TRPC5: variants seen among roughly 807,000 people sequenced by gnomAD.
TRPC5 encodes the protein short transient receptor potential channel 5.
A neutral mutation model predicts 56.5 loss-of-function variants in TRPC5; 9 were observed. That is an observed-to-expected ratio of 0.16 (90% confidence interval 0.10 to 0.28). The LOEUF (loss-of-function observed/expected upper bound fraction) is 0.28, where lower values mean the gene tolerates loss of function less well. Among genes scored for constraint, TRPC5 ranks in the 10% least tolerant of loss-of-function variants. The probability of loss-of-function intolerance (pLI) is 1.00; values close to 1 mark genes in which losing one functional copy is unlikely to be tolerated. For missense variants in TRPC5, 469 were observed against 748.9 expected (o/e 0.63, Z 4.36); for synonymous variants, 282 against 278.5 (o/e 1.01, Z -0.13).
intron 7 of TRPC5, among the ~76,000 whole-genome samples, chrX:111,824,229 CA>C (rs1173966332): frequency 0.18 from 9,927 of 54,431 alleles, 604 homozygotes; most frequent in African/African-American, 0.22. Flanking sequence ...GACCCTGTCT[CA>C]AAAAAAAAAA....
intron 1 of TRPC5, among the ~76,000 whole-genome samples, chrX:112,004,921 C>T (rs1435319239): frequency 9.0e-6 from 1 of 111,173 alleles, no homozygotes; most frequent in Non-Finnish European, 1.9e-5. Flanking sequence ...GGGAGAACAA[C>T]ATGGACACCA....
chrX:111,974,253 T>C (rs1266411419), intron 1 of TRPC5, among the ~76,000 whole-genome samples: 1 of 111,717 alleles, frequency 9.0e-6, no homozygotes, highest in Non-Finnish European at 1.9e-5. Context: ...AGTTTCCAGG[T>C]CATGGTTCAG....
At chrX:111,876,004 A>G (rs1001052966) in intron 3 of TRPC5, 2 of 109,746 alleles carry the variant, frequency 1.8e-5, no homozygotes, top group Non-Finnish European at 3.8e-5. Context: ...ATGAAACACA[A>G]CAATGTTTCA....
chrX:112,029,329 C>CT (rs1228609246), intron 1 of TRPC5, among the ~76,000 whole-genome samples: 1 of 112,189 alleles, frequency 8.9e-6, no homozygotes, highest in African/African-American at 3.2e-5. Context: ...GGATCTCATT[C>CT]TTTTTTTCTG....
Position 111,945,153 on chromosome X carries a change from A to G in TRPC5, c.378+6890T>C, listed in dbSNP as rs754316852. 1.2e-4 allele frequency among the ~76,000 whole-genome samples: 13 copies of G among 109,726 alleles called. No homozygotes were observed. The South Asian group carries it at 4.8e-3, about 40-fold the overall frequency. ...AACAATTGATTTAGAGCTGGTTTTGAGCATACACAGACGCGAGTCTCCTCT... is the reference window on the plus strand; with the variant it reads ...AACAATTGATTTAGAGCTGGTTTTGGGCATACACAGACGCGAGTCTCCTCT... On this transcript the variant is annotated intron_variant, in intron 2 of 10. Transcript: ENST00000262839.
intron 1 of TRPC5, among the ~76,000 whole-genome samples, chrX:111,974,067 A>G (rs1033694174): frequency 8.9e-6 from 1 of 112,327 alleles, no homozygotes; most frequent in Non-Finnish European, 1.9e-5. Flanking sequence ...TGGCTAAAAT[A>G]GAGTAACAGG....
intron 3 of TRPC5, among the ~76,000 whole-genome samples, chrX:111,898,019 G>A (rs1925151865): frequency 9.1e-6 from 1 of 109,980 alleles, no homozygotes; most frequent in South Asian, 3.8e-4. Context: ...TGAGAATTCT[G>A]GTTCCTCTAC....
chrX:112,081,170 T>C (rs1400514674), intron 1 of TRPC5, among the ~76,000 whole-genome samples: 1 of 111,957 alleles, frequency 8.9e-6, no homozygotes, highest in Non-Finnish European at 1.9e-5. Context: ...TAAGAGACCA[T>C]GGAGAAAGAT....
chrX:111,896,721 G>A (rs1925082851), intron 3 of TRPC5, among the ~76,000 whole-genome samples: 1 of 111,710 alleles, frequency 9.0e-6, no homozygotes, highest in Non-Finnish European at 1.9e-5. Context: ...CTCTGGCCCT[G>A]AATAAGGCAA....
intron 3 of TRPC5, among the ~76,000 whole-genome samples, chrX:111,865,960 A>G (rs1021768299): frequency 8.8e-6 from 1 of 113,013 alleles, no homozygotes; most frequent in African/African-American, 3.2e-5. Context: ...GATTTTTTAT[A>G]TGCATCATCT....
chrX:111,927,277 C>T (rs1926285283), intron 2 of TRPC5, among the ~76,000 whole-genome samples: 1 of 112,136 alleles, frequency 8.9e-6, no homozygotes, highest in Non-Finnish European at 1.9e-5. Flanking sequence ...CCCTTGGGGA[C>T]AATGCCAAAA....
chrX:112,081,186 T>A (rs1178946961), intron 1 of TRPC5, among the ~76,000 whole-genome samples: 1 of 111,892 alleles, frequency 8.9e-6, no homozygotes, highest in Non-Finnish European at 1.9e-5. Context: ...AAGATCAGCA[T>A]CTGTGAATTC....
intron 1 of TRPC5, among the ~76,000 whole-genome samples, chrX:111,996,431 G>A (rs185817397): frequency 2.7e-5 from 3 of 111,724 alleles, no homozygotes; most frequent in Non-Finnish European, 5.6e-5. Flanking sequence ...GAATAAGTGC[G>A]ATGTGGTGCT....
chrX:111,908,807 T>C (rs1925710877), intron 3 of TRPC5, among the ~76,000 whole-genome samples: 1 of 111,906 alleles, frequency 8.9e-6, no homozygotes, highest in Admixed American at 9.5e-5. Context: ...TATTGAATAG[T>C]TAAGAGGTGC....
At chrX:111,946,353 T>A (rs1926933376) in intron 2 of TRPC5, among the ~76,000 whole-genome samples, 1 of 110,934 alleles carries the variant, frequency 9.0e-6, no homozygotes, top group Non-Finnish European at 1.9e-5. Context: ...GTAAGTTAAG[T>A]AGTACCTTTC....
intron 7 of TRPC5, among the ~76,000 whole-genome samples, chrX:111,796,484 G>T (rs1921098582): frequency 9.0e-6 from 1 of 111,615 alleles, no homozygotes. Flanking sequence ...CTCCCACCAG[G>T]TTTTTTGTTG....
chrX:112,045,603 A>G (rs1287867011), intron 1 of TRPC5, among the ~76,000 whole-genome samples: 2 of 112,427 alleles, frequency 1.8e-5, no homozygotes, highest in African/African-American at 3.2e-5. Context: ...TCAAATTGAC[A>G]GATGTGTAAA....
rs1923107209 is a variant in TRPC5 at position 111,852,291 on chromosome X, A to T, written c.1377+7T>A. On this transcript the variant is annotated splice_region_variant and intron_variant, in intron 5 of 10. Transcript: ENST00000262839. ...GTGTAGGAAATATGGCAGACATTCCAATTTACCTTGACATAGGCCACAATC... is the reference window on the plus strand; with the variant it reads ...GTGTAGGAAATATGGCAGACATTCCTATTTACCTTGACATAGGCCACAATC... The T allele has an allele frequency of 3.3e-6, 4 of 1,204,245 alleles. No individual in the cohort carries two copies. In the African/African-American group the frequency reaches 7.0e-5, roughly 21 times the overall value.
chrX:111,931,290 C>T (rs982631646), intron 2 of TRPC5, among the ~76,000 whole-genome samples: 1 of 112,232 alleles, frequency 8.9e-6, no homozygotes, highest in Admixed American at 9.4e-5. Flanking sequence ...ATTTCCTTTA[C>T]ATGCTTTTAT....
Sources: allele counts gnomAD v4.1 joint callset (sites outside exome capture counted in the v4.1 genomes callset), GRCh38; gene constraint gnomAD v4.1.1; transcripts MANE v1.5; gene names NCBI Gene and HGNC (gene_info 2026-07-23, HGNC 2026-07-21).